The following PAK5 variants were observed in gnomAD, a reference collection of about 807,000 sequenced individuals.
PAK5 encodes serine/threonine-protein kinase PAK 5.
In PAK5, 16 loss-of-function variants were observed where a neutral mutation model predicts 65.9. The ratio of observed to expected loss-of-function variants is 0.24; its 90% CI spans 0.16 to 0.37. The LOEUF (loss-of-function observed/expected upper bound fraction) is 0.37, where lower values mean the gene tolerates loss of function less well. Ranked by LOEUF, PAK5 falls within the 10% of genes least tolerant of loss-of-function variation. The pLI is 1.00. For missense variants in PAK5, 785 were observed against 903.9 expected (o/e 0.87, Z 1.69); for synonymous variants, 371 against 354.9 (o/e 1.05, Z -0.51).
intron 2 of PAK5, among the ~76,000 whole-genome samples, chr20:9,700,746 A>C (rs1401476330): frequency 6.6e-6 from 1 of 152,206 alleles, no homozygotes; most frequent in African/African-American, 2.4e-5. Flanking sequence ...TTGCCAGTGC[A>C]GATAGGATTT....
chr20:9,588,488 C>T (rs544347552), intron 3 of PAK5, among the ~76,000 whole-genome samples: 2 of 152,140 alleles, frequency 1.3e-5, no homozygotes, highest in East Asian at 3.9e-4. Flanking sequence ...AAATTAGTGC[C>T]CCACCCAAAA....
intron 3 of PAK5, among the ~76,000 whole-genome samples, chr20:9,613,370 T>C (rs1351244776): frequency 3.9e-5 from 6 of 152,126 alleles, no homozygotes; most frequent in Non-Finnish European, 7.4e-5. Flanking sequence ...GGCAGAACTG[T>C]CCATGGGAAC....
At chr20:9,782,359 C>T (rs2048949800) in intron 1 of PAK5, among the ~76,000 whole-genome samples, 1 of 152,174 alleles carries the variant, frequency 6.6e-6, no homozygotes, top group Non-Finnish European at 1.5e-5. Context: ...TACCTGTTCT[C>T]ATTTATGTAA....
At chr20:9,548,790 A>G (rs2045383400) in intron 7 of PAK5, among the ~76,000 whole-genome samples, 2 of 152,262 alleles carry the variant, frequency 1.3e-5, no homozygotes, top group Non-Finnish European at 2.9e-5. Context: ...ATTGGAACAC[A>G]GATGAAATGA....
chr20:9,776,745 C>T (rs553352284), intron 1 of PAK5, among the ~76,000 whole-genome samples: 34 of 152,214 alleles, frequency 2.2e-4, no homozygotes, highest in Non-Finnish European at 4.7e-4. Context: ...CCCACCAACC[C>T]CCAAGCCCCA....
chr20:9,750,135 C>T (rs2048558106), intron 1 of PAK5, among the ~76,000 whole-genome samples: 3 of 151,924 alleles, frequency 2.0e-5, no homozygotes, highest in Admixed American at 2.0e-4. Flanking sequence ...TCATTTATGG[C>T]CTAAACATTC....
intron 3 of PAK5, among the ~76,000 whole-genome samples, chr20:9,599,447 C>T (rs571646407): frequency 1.1e-4 from 16 of 152,330 alleles, no homozygotes; most frequent in Admixed American, 9.8e-4. Flanking sequence ...ACAGCAGCTG[C>T]ACCATTTGGT....
intron 3 of PAK5, among the ~76,000 whole-genome samples, chr20:9,598,030 G>A (rs1191584015): frequency 6.6e-6 from 1 of 152,216 alleles, no homozygotes; most frequent in African/African-American, 2.4e-5. Flanking sequence ...CATGTGCCAT[G>A]GTGGCTTGCT....
chr20:9,787,021 A>C lies in PAK5; in HGVS notation c.-162+51741T>G, dbSNP rs543446814. The stretch of plus-strand genomic sequence containing the variant: ...TGAATCACTCCTCATGCAGCTGCTG[A>C]AGATGGCAAGAAAAAATTATTCTTC... On this transcript the variant is annotated intron_variant, in intron 1 of 9. Coordinates refer to ENST00000353224, the MANE Select transcript of PAK5 (RefSeq NM_177990.4). 2.6e-5 allele frequency among the ~76,000 whole-genome samples: 4 copies of C among 152,314 alleles called. No individual in the cohort carries two copies. The East Asian group carries it at 7.7e-4, about 29-fold the overall frequency.
intron 1 of PAK5, among the ~76,000 whole-genome samples, chr20:9,785,861 G>T (rs190817588): frequency 3.3e-5 from 5 of 152,096 alleles, no homozygotes; most frequent in Admixed American, 6.6e-5. Context: ...TTCCCAAAGG[G>T]CAATTTTTTG....
chr20:9,705,921 T>C (rs2048000974), intron 2 of PAK5, among the ~76,000 whole-genome samples: 1 of 152,116 alleles, frequency 6.6e-6, no homozygotes, highest in African/African-American at 2.4e-5. Flanking sequence ...CCTGTTAAAC[T>C]TCACAGTAAA....
chr20:9,722,122 G>A (rs949586817), intron 1 of PAK5, among the ~76,000 whole-genome samples: 18 of 152,094 alleles, frequency 1.2e-4, no homozygotes, highest in African/African-American at 3.9e-4. Flanking sequence ...CATTCGAAGG[G>A]AAACTTGAAT....
chr20:9,597,598 C>T (rs1226006050), intron 3 of PAK5, among the ~76,000 whole-genome samples: 2 of 152,322 alleles, frequency 1.3e-5, no homozygotes, highest in East Asian at 3.9e-4. Flanking sequence ...GAGTGTGACT[C>T]CGCACCTCCT....
chr20:9,615,595 T>G (rs768874326), intron 3 of PAK5, among the ~76,000 whole-genome samples: 2 of 152,216 alleles, frequency 1.3e-5, no homozygotes, highest in African/African-American at 2.4e-5. Flanking sequence ...AGTCCTTCGT[T>G]GAAGAAGTAA....
Position 9,623,264 on chromosome 20 carries a change from T to C in PAK5, c.204+20861A>G, listed in dbSNP as rs189670954. Among the ~76,000 whole-genome samples, 8 of 152,000 alleles carry C rather than the reference T, an allele frequency of 5.3e-5. No individual in the cohort carries two copies. In the East Asian group the frequency reaches 9.7e-4, roughly 18 times the overall value. ...TGAGTTGGGAGTTTGTTGAAAAATA[T>C]AGTAAAAAGGGAAGGTATCTGATCA... On this transcript the variant is annotated intron_variant, in intron 3 of 9. Coordinates refer to ENST00000353224, the MANE Select transcript of PAK5 (RefSeq NM_177990.4).
intron 2 of PAK5, among the ~76,000 whole-genome samples, chr20:9,702,620 C>A (rs1395718775): frequency 6.6e-6 from 1 of 152,126 alleles, no homozygotes; most frequent in Non-Finnish European, 1.5e-5. Flanking sequence ...ATAAAGGGCC[C>A]GTGATATTCC....
At chr20:9,686,467 C>T (rs984620225) in intron 2 of PAK5, among the ~76,000 whole-genome samples, 2 of 152,130 alleles carry the variant, frequency 1.3e-5, no homozygotes, top group Non-Finnish European at 2.9e-5. Context: ...ATGCTCATAG[C>T]TCACTGCAGC....
intron 4 of PAK5, chr20:9,577,622 G>C (rs1372534275): frequency 2.6e-5 from 4 of 152,226 alleles, no homozygotes; most frequent in Non-Finnish European, 5.9e-5. Flanking sequence ...CCGTTCTAAA[G>C]ACACAGGCAC....
At chr20:9,738,109 C>A (rs958707942) in intron 1 of PAK5, among the ~76,000 whole-genome samples, 4 of 151,708 alleles carry the variant, frequency 2.6e-5, no homozygotes, top group African/African-American at 9.7e-5. Flanking sequence ...CAACTGTACT[C>A]CAGCCTGGTT....
Sources: gnomAD v4.1 joint callset for allele counts (sites outside exome capture counted in the v4.1 genomes callset) on GRCh38, gnomAD v4.1.1 for gene constraint, MANE v1.5 for transcripts, NCBI Gene and HGNC (gene_info 2026-07-23, HGNC 2026-07-21) for gene names.